Variants in PLEC observed in about 807,000 individuals in gnomAD.
PLEC encodes the protein hemidesmosomal protein 1.
In PLEC, 216 loss-of-function variants were observed where a neutral mutation model predicts 392.8. The ratio of observed to expected loss-of-function variants is 0.55; its 90% confidence interval spans 0.49 to 0.62. The LOEUF is 0.62. Ranked by LOEUF, PLEC falls within the 20% of genes least tolerant of loss-of-function variation. The probability of loss-of-function intolerance (pLI) is 0.00; values close to 1 mark genes in which losing one functional copy is unlikely to be tolerated. For missense variants in PLEC, 6,863 were observed against 6,563.4 expected (o/e 1.05, Z -1.58); for synonymous variants, 3,621 against 2,980.6 (o/e 1.21, Z -7.00).
intron 1 of PLEC, among the ~76,000 whole-genome samples, chr8:143,966,653 G>C (rs868939927): frequency 2.4e-4 from 36 of 152,292 alleles, no homozygotes; most frequent in Admixed American, 1.7e-3. Flanking sequence ...GCTCGGCTGG[G>C]GGGGTACAAA....
Position 143,938,648 on chromosome 8 carries a change from T to G in PLEC, c.157A>C (p.Asn53His), listed in dbSNP as rs1554725869. ...CCACCAACCTTGATGAGGTGCTTGT[T>G]GACCCACTTGGTGAAGGTTTTCTTC... is the stretch of plus-strand genomic sequence containing the variant. ...VQKKTFTKWV[N>H]KHLIKAQRHI... is the part of the protein sequence containing the mutation. Residue 53 changes from asparagine to histidine, a missense_variant, in exon 2 of 32, where the codon AAC (asparagine) becomes CAC (histidine). Asn to His is a moderately conservative substitution (Grantham distance 68). Transcript: ENST00000345136. The G allele has an allele frequency of 6.2e-7, 1 of 1,613,834 alleles. No individual in the cohort carries two copies. The highest frequency in any genetic ancestry group is 2.2e-5 in the East Asian group (1 of 44,868).
chr8:143,931,584 C>T lies in PLEC; in HGVS notation c.2254G>A (p.Asp752Asn). The change falls in exon 19 of 32, where the codon GAT becomes AAT. Residue 752 changes from aspartate to asparagine, a missense_variant. Coordinates refer to ENST00000345136, the MANE Select transcript of PLEC (RefSeq NM_201384.3). ...AGCCGGGTGACGGTGGCGGAGCGAT[C>T]ACAACTGTATTTCCTACGCAGTGCC... ...QEALRRKYSCDRSATVTRLED... is the reference protein window; with the variant it reads ...QEALRRKYSCNRSATVTRLED... 1 of 1,599,064 alleles carries T rather than the reference C, an allele frequency of 6.3e-7. No homozygotes were observed. Among genetic ancestry groups the T allele is most frequent in the Non-Finnish European group, 8.5e-7 (1 of 1,173,170 alleles).
chr8:143,950,363 T>C (rs782236702), exon 1 of PLEC: 20 of 1,589,978 alleles, frequency 1.3e-5, no homozygotes, highest in Admixed American at 1.8e-5. Context: ...AGCCTGCACG[T>C]GGGGGGTGCG....
At position 143,918,026 on chromosome 8, in the gene PLEC, G is replaced by C. The variant is rs1554673754; in HGVS notation, c.11795C>G (p.Thr3932Ser). The stretch of plus-strand genomic sequence containing the variant: ...CACGAAGACACCAGCGATGCAGCTG[G>C]TGCCTTCCAGGAACTTCTGCAAGTT... ...TKNLQKFLEG[T>S]SCIAGVFVDA... The change falls in exon 32 of 32, where the codon ACC (threonine) becomes AGC (serine). Residue 3932 changes from threonine to serine, a missense_variant. Thr to Ser is a moderately conservative substitution (Grantham distance 58). Coordinates refer to ENST00000345136, the MANE Select transcript of PLEC (RefSeq NM_201384.3). 1.9e-6 allele frequency: 3 copies of C among 1,610,288 alleles called. No homozygotes were observed. Among genetic ancestry groups the C allele is most frequent in the African/African-American group, 1.3e-5 (1 of 74,852 alleles).
At chr8:143,970,079 C>G (rs1175534519) in intron 1 of PLEC, among the ~76,000 whole-genome samples, 1 of 152,112 alleles carries the variant, frequency 6.6e-6, no homozygotes, top group African/African-American at 2.4e-5. Context: ...GTCCCCTACT[C>G]TCCCCTGTCC....
At chr8:143,935,574 C>T (rs1341932294) in intron 6 of PLEC, among the ~76,000 whole-genome samples, 1 of 152,232 alleles carries the variant, frequency 6.6e-6, no homozygotes, top group Non-Finnish European at 1.5e-5. Context: ...ACCCTCCCCA[C>T]CAGGCCCCTC....
intron 1 of PLEC, among the ~76,000 whole-genome samples, chr8:143,960,020 C>T (rs1480345460): frequency 2.0e-5 from 3 of 151,904 alleles, no homozygotes; most frequent in Non-Finnish European, 2.9e-5. Flanking sequence ...CGGTGGCTCA[C>T]GCCTGTAATC....
rs782541394 is a variant in PLEC at position 143,930,457 on chromosome 8, T to G, written c.2384A>C (p.Lys795Thr). The change falls in exon 20 of 32, where the codon AAG (lysine) becomes ACG (threonine). Residue 795 changes from lysine (K) to threonine (T), a missense_variant. Lys to Thr is a moderately conservative substitution (Grantham distance 78). Transcript: ENST00000345136. Reference sequence around the variant, plus strand: ...CATGGGGTGGGCTGGGTGGCGGGGCTTCAGCTGCACGACGGCCTTGGCCCG... The same window carrying G: ...CATGGGGTGGGCTGGGTGGCGGGGCGTCAGCTGCACGACGGCCTTGGCCCG... ...AKRAKAVVQLKPRHPAHPMRG... is the reference protein window; with the variant it reads ...AKRAKAVVQLTPRHPAHPMRG... The G allele has an allele frequency of 8.2e-6, 13 of 1,582,804 alleles. No individual in the cohort carries two copies. Among genetic ancestry groups the G allele is most frequent in the Admixed American group, 1.8e-5 (1 of 55,914 alleles).
At chr8:143,972,824 G>T (rs1454044466) in intron 1 of PLEC, among the ~76,000 whole-genome samples, 1 of 152,190 alleles carries the variant, frequency 6.6e-6, no homozygotes, top group African/African-American at 2.4e-5. Flanking sequence ...CATCAAGCAG[G>T]TGGGCAGGCC....
upstream of PLEC, chr8:143,943,737 C>T (rs1448684869): frequency 1.1e-5 from 18 of 1,582,328 alleles, no homozygotes; most frequent in Non-Finnish European, 1.4e-5. Context: ...GGCGGCCCCT[C>T]TGCCCCGCCT....
rs532133063 is a variant in PLEC, at chr8:143,935,899, G to T, written c.551C>A (p.Thr184Asn). The change falls in exon 6 of 32, where the codon ACC becomes AAC. Residue 184 changes from threonine to asparagine, a missense_variant. Coordinates refer to ENST00000345136, the MANE Select transcript of PLEC (RefSeq NM_201384.3). ...GAGGCGGCCGTCTCTCCAGCTGGAGGTGAAGTTGTCGCATCGCAGGCCCTG... is the reference window on the plus strand; with the variant it reads ...GAGGCGGCCGTCTCTCCAGCTGGAGTTGAAGTTGTCGCATCGCAGGCCCTG... The part of the protein sequence containing the change: ...GYQGLRCDNF[T>N]SSWRDGRLFN... 6.2e-7 allele frequency: 1 copy of T among 1,612,854 alleles called. No individual in the cohort carries two copies. The highest frequency in any genetic ancestry group is 1.7e-5 in the Admixed American group (1 of 59,988).
Position 143,969,445 on chromosome 8 carries a change from G to C in PLEC, c.70+3958C>G, listed in dbSNP as rs1297520022. On this transcript the variant is annotated intron_variant, in intron 1 of 31. Transcript: ENST00000356346. The surrounding 1 kb of genome is among the most constrained non-coding windows in gnomAD (Gnocchi z 5.1). ...CTGTGGGCTGGTGACTTAGACAGTC[G>C]GCCCAGCTGCCAAGAGGTGTCCAGT... Among the ~76,000 whole-genome samples the C allele has an allele frequency of 1.3e-5, 2 of 152,174 alleles. No homozygotes were observed. Among genetic ancestry groups the C allele is most frequent in the Non-Finnish European group, 2.9e-5 (2 of 68,026 alleles).
At chr8:143,933,885 T>A in intron 12 of PLEC, 113 bp downstream of exon 12, 6 of 866,130 alleles carry the variant, frequency 6.9e-6, no homozygotes, top group Non-Finnish European at 1.1e-5. Flanking sequence ...CCCCTGCCCC[T>A]GCCCCTGCCC....
chr8:143,946,361 T>C (rs1554732219), intron 1 of PLEC: 1 of 1,288,886 alleles, frequency 7.8e-7, no homozygotes, highest in East Asian at 5.6e-5. Context: ...TTGGCCCAGC[T>C]GAATCAGCTC....
chr8:143,925,488 G>A lies in PLEC; in HGVS notation c.4441C>T (p.Arg1481Trp), dbSNP rs782712833. The change falls in exon 31 of 32, where the codon CGG (arginine) becomes TGG (tryptophan). Residue 1481 changes from arginine to tryptophan, a missense_variant. Coordinates refer to ENST00000345136, the MANE Select transcript of PLEC (RefSeq NM_201384.3). The part of the protein sequence containing the change: ...AEGELQALRA[R>W]AEEAEAQKRQ... ...TTTTGTGCCTCAGCCTCCTCCGCCC[G>A]TGCACGCAGTGCCTGCAGCTCCCCC... The A allele has an allele frequency of 1.5e-5, 24 of 1,595,890 alleles. No individual in the cohort carries two copies. Among genetic ancestry groups the A allele is most frequent in the Middle Eastern group, 3.3e-4 (2 of 6,054 alleles).
rs1212128565 is a variant in PLEC at position 143,969,343 on chromosome 8, C to T, written c.70+4060G>A. On this transcript the variant is annotated intron_variant, in intron 1 of 31. Transcript: ENST00000356346. The surrounding 1 kb of genome is among the most constrained non-coding windows in gnomAD (Gnocchi z 5.1). ...CCCTGTCCCCCATCCAGGGCAGATT[C>T]CTCTGGGGCTGAGGCTACTGCAGCC... Among the ~76,000 whole-genome samples the T allele has an allele frequency of 6.6e-6, 1 of 152,220 alleles. No individual in the cohort carries two copies. The highest frequency in any genetic ancestry group is 6.5e-5 in the Admixed American group (1 of 15,290).
At chr8:143,936,691 G>A (rs1481683282) in intron 5 of PLEC, among the ~76,000 whole-genome samples, 1 of 152,228 alleles carries the variant, frequency 6.6e-6, no homozygotes, top group Non-Finnish European at 1.5e-5. Context: ...GCCTCCCCAG[G>A]GCAGGCACCG....
chr8:143,935,008 C>A lies in PLEC; in HGVS notation c.825+3G>T. 1 of 1,612,274 alleles carries A rather than the reference C, an allele frequency of 6.2e-7. No homozygotes were observed. ...CCCCCTGCCCTCCGGGCCCCCCACT[C>A]ACGTTGGCCCTCACCCCATCCTGCA... On this transcript the variant is annotated splice_donor_region_variant and intron_variant, in intron 8 of 31. Transcript: ENST00000345136.
rs1827259538 is a variant in PLEC, at chr8:143,931,561, C to G, written c.2277G>C (p.Arg759=). ...YSCDRSATVT[R]LEDLLQDAQD... ...GGGCATCCTGCAGCAGGTCCTCCAG[C>G]CGGGTGACGGTGGCGGAGCGATCAC... Residue 759 remains arginine (R), a synonymous_variant, in exon 19 of 32, where the codon CGG becomes CGC. Transcript: ENST00000345136. The G allele has an allele frequency of 6.3e-7, 1 of 1,595,362 alleles. No individual in the cohort carries two copies. The highest frequency in any genetic ancestry group is 1.3e-5 in the African/African-American group (1 of 74,606).
Sources: gnomAD v4.1 joint callset for allele counts (sites outside exome capture counted in the v4.1 genomes callset) on GRCh38, gnomAD v4.1.1 for gene constraint, Gnocchi (gnomAD v3.1) non-coding constraint, MANE v1.5 for transcripts, NCBI Gene and HGNC (gene_info 2026-07-23, HGNC 2026-07-21) for gene names.